Variants in WFDC11 observed in about 807,000 individuals in gnomAD.
The protein encoded by WFDC11 is protein WFDC11.
In WFDC11, 9 loss-of-function variants were observed where a neutral mutation model predicts 9.9. The ratio of observed to expected loss-of-function variants is 0.91; its 90% confidence interval spans 0.55 to 1.58. The LOEUF is 1.58. Among genes scored for constraint, WFDC11 ranks in the 40% most tolerant of loss-of-function variants. The pLI is 0.00. For synonymous variants in WFDC11, 32 were observed against 33.3 expected (o/e 0.96, Z 0.13); for missense variants, 106 against 101.7 (o/e 1.04, Z -0.18).
chr20:45,662,001 C>T (rs549389759), intron 2 of WFDC11, among the ~76,000 whole-genome samples: 1 of 152,118 alleles, frequency 6.6e-6, no homozygotes, highest in Non-Finnish European at 1.5e-5. Context: ...CTATAAATTA[C>T]CTTGGACAGT....
At chr20:45,656,665 G>A (rs1343062963) in intron 2 of WFDC11, among the ~76,000 whole-genome samples, 2 of 151,846 alleles carry the variant, frequency 1.3e-5, no homozygotes. Context: ...CAGAACGGGA[G>A]AAAATTTTTG....
At chr20:45,653,188 G>A (rs1982849392) in intron 2 of WFDC11, among the ~76,000 whole-genome samples, 2 of 152,092 alleles carry the variant, frequency 1.3e-5, no homozygotes, top group South Asian at 4.1e-4. Flanking sequence ...GAAAGGTCGG[G>A]TTACCCACAA....
intron 2 of WFDC11, among the ~76,000 whole-genome samples, chr20:45,665,464 G>A (rs1023765585): frequency 6.6e-6 from 1 of 152,134 alleles, no homozygotes; most frequent in African/African-American, 2.4e-5. Flanking sequence ...CATTGCTGCC[G>A]AGGAGCTGCG....
At chr20:45,661,272 T>G (rs1983058103) in intron 2 of WFDC11, among the ~76,000 whole-genome samples, 1 of 152,204 alleles carries the variant, frequency 6.6e-6, no homozygotes, top group Non-Finnish European at 1.5e-5. Flanking sequence ...TTGTTTGTTT[T>G]TTTCTTGTAA....
At chr20:45,664,047 G>T (rs1200598453) in intron 2 of WFDC11, among the ~76,000 whole-genome samples, 1 of 152,132 alleles carries the variant, frequency 6.6e-6, no homozygotes, top group African/African-American at 2.4e-5. Context: ...CATTATTATT[G>T]TGTGGGAGTC....
At chr20:45,669,870 C>G (rs1983261228) in intron 1 of WFDC11, among the ~76,000 whole-genome samples, 1 of 151,992 alleles carries the variant, frequency 6.6e-6, no homozygotes, top group African/African-American at 2.4e-5. Flanking sequence ...ACAAAAGATC[C>G]ATGAAACCAA....
At chr20:45,669,352 C>A (rs771641114) in intron 1 of WFDC11, among the ~76,000 whole-genome samples, 19 of 152,098 alleles carry the variant, frequency 1.2e-4, no homozygotes, top group Non-Finnish European at 2.4e-4. Flanking sequence ...TTCCAGGCCA[C>A]CCTAATAAAG....
At chr20:45,650,229 CAT>C (rs1491176905) in intron 3 of WFDC11, among the ~76,000 whole-genome samples, 7 of 151,276 alleles carry the variant, frequency 4.6e-5, no homozygotes, top group Non-Finnish European at 4.4e-5. Context: ...CACACACACA[CAT>C]GTGTTTGTAT....
chr20:45,664,281 G>A (rs879930697), intron 2 of WFDC11, among the ~76,000 whole-genome samples: 15 of 151,734 alleles, frequency 9.9e-5, no homozygotes, highest in South Asian at 2.1e-4. Context: ...TTAGTAGATC[G>A]GCCTCCATCC....
intron 2 of WFDC11, among the ~76,000 whole-genome samples, chr20:45,665,607 G>C (rs1034503218): frequency 2.0e-5 from 3 of 152,208 alleles, no homozygotes; most frequent in African/African-American, 4.8e-5. Context: ...TTTTGGTGTA[G>C]ATGTCCTTTT....
chr20:45,668,301 C>T (rs1983227166), intron 1 of WFDC11, among the ~76,000 whole-genome samples: 2 of 152,034 alleles, frequency 1.3e-5, no homozygotes, highest in African/African-American at 4.8e-5. Context: ...AGGAATATTC[C>T]CAGAGTTGTT....
At chr20:45,656,406 C>A (rs1290259791) in intron 2 of WFDC11, among the ~76,000 whole-genome samples, 1 of 152,156 alleles carries the variant, frequency 6.6e-6, no homozygotes, top group Non-Finnish European at 1.5e-5. Context: ...AAACTAGATC[C>A]TTTCCTTACA....
At chr20:45,656,322 A>C (rs1050576764) in intron 2 of WFDC11, among the ~76,000 whole-genome samples, 4 of 152,176 alleles carry the variant, frequency 2.6e-5, no homozygotes, top group African/African-American at 9.7e-5. Flanking sequence ...CCTGAGAAAA[A>C]CAAGCAATGG....
intron 2 of WFDC11, among the ~76,000 whole-genome samples, chr20:45,659,117 G>A (rs1402749311): frequency 6.6e-6 from 1 of 152,202 alleles, no homozygotes; most frequent in Non-Finnish European, 1.5e-5. Flanking sequence ...TATCATTGAT[G>A]GACATTTGGG....
intron 3 of WFDC11, among the ~76,000 whole-genome samples, chr20:45,650,225 C>T (rs1982771916): frequency 2.3e-5 from 3 of 129,516 alleles, no homozygotes; most frequent in Admixed American, 8.5e-5. Context: ...CACACACACA[C>T]ACACATGTGT....
intron 3 of WFDC11, 99 bp from the exon 4 acceptor site, chr20:45,649,498 G>A: frequency 1.4e-6 from 2 of 1,462,220 alleles, no homozygotes; most frequent in South Asian, 1.3e-5. Flanking sequence ...CTGGAATCTG[G>A]GCCCCAAATT....
chr20:45,652,266 G>C (rs1206944038), intron 2 of WFDC11, among the ~76,000 whole-genome samples: 1 of 152,180 alleles, frequency 6.6e-6, no homozygotes, highest in Non-Finnish European at 1.5e-5. Flanking sequence ...AGCAACATTT[G>C]CTGTTCACCA....
chr20:45,660,606 C>A (rs1422554880), intron 2 of WFDC11, among the ~76,000 whole-genome samples: 2 of 152,082 alleles, frequency 1.3e-5, no homozygotes, highest in African/African-American at 4.8e-5. Flanking sequence ...TGATGTTCCC[C>A]TTTCTGTGTC....
At chr20:45,670,030 C>T (rs573996501) in intron 1 of WFDC11, 148 bp downstream of exon 1, 1 of 152,150 alleles carries the variant, frequency 6.6e-6, no homozygotes, top group Non-Finnish European at 1.5e-5. Context: ...GAGACTATTA[C>T]AAACACCACT....
Sources: gnomAD v4.1 joint callset for allele counts (sites outside exome capture counted in the v4.1 genomes callset) on GRCh38, gnomAD v4.1.1 for gene constraint, MANE v1.5 for transcripts, NCBI Gene and HGNC (gene_info 2026-07-23, HGNC 2026-07-21) for gene names.